TANGO6: variants seen among roughly 807,000 people sequenced by gnomAD.
TANGO6 encodes transport and Golgi organization protein 6 homolog.
In TANGO6, 90 loss-of-function variants were observed where a neutral mutation model predicts 114.2. The ratio of observed to expected loss-of-function variants is 0.79; its 90% CI spans 0.66 to 0.94. TANGO6 has a LOEUF of 0.94. TANGO6 is among the 40% of genes least tolerant of loss of function. The probability of loss-of-function intolerance (pLI) is 0.00; values close to 1 mark genes in which losing one functional copy is unlikely to be tolerated. For synonymous variants in TANGO6, 477 were observed against 509.8 expected, an observed-to-expected ratio of 0.94 and a Z score of 0.87; for missense variants, 1,274 against 1,315.3, an observed-to-expected ratio of 0.97 and a Z score of 0.49.
chr16:68,885,056 TA>T (rs1304643557), intron 7 of TANGO6, among the ~76,000 whole-genome samples: 7 of 152,318 alleles, frequency 4.6e-5, no homozygotes, highest in Admixed American at 3.3e-4. Context: ...AAACACTGGG[TA>T]AAATTTAACA....
At position 69,076,364 on chromosome 16, in the gene TANGO6, T is replaced by A. The variant is rs370035653; in HGVS notation, c.3109-7121T>A. The stretch of plus-strand genomic sequence containing the variant: ...GCCTTGGCCTCCCAAAATGCTAGGA[T>A]TACATGCGTGAGCCACCGTGCCCAG... On this transcript the variant is annotated intron_variant, in intron 17 of 17. Coordinates refer to ENST00000261778, the MANE Select transcript of TANGO6 (RefSeq NM_024562.2). Among the ~76,000 whole-genome samples, 39 of 151,380 alleles carry A rather than the reference T, an allele frequency of 2.6e-4. 3 individuals carry two copies. The highest frequency in any genetic ancestry group is 2.0e-3 in the Admixed American group (30 of 15,196).
At chr16:69,079,414 C>T (rs1960433868) in intron 17 of TANGO6, among the ~76,000 whole-genome samples, 1 of 151,706 alleles carries the variant, frequency 6.6e-6, no homozygotes, top group African/African-American at 2.4e-5. Context: ...GGCCCTATTT[C>T]TTTTAAGCAA....
intron 7 of TANGO6, among the ~76,000 whole-genome samples, chr16:68,884,633 G>A (rs1017478847): frequency 6.6e-6 from 1 of 152,092 alleles, no homozygotes; most frequent in Non-Finnish European, 1.5e-5. Context: ...GTCAGGATAG[G>A]GGTAAGACTA....
intron 14 of TANGO6, among the ~76,000 whole-genome samples, chr16:68,963,783 C>T (rs7201101): frequency 0.14 from 20,616 of 152,126 alleles, 2,198 homozygotes; most frequent in African/African-American, 0.29. Flanking sequence ...TCCTTTTCTG[C>T]GTACATACTG....
At chr16:68,846,274 C>T (rs925961354) in intron 1 of TANGO6, among the ~76,000 whole-genome samples, 5 of 152,088 alleles carry the variant, frequency 3.3e-5, no homozygotes, top group African/African-American at 1.2e-4. Context: ...GATCTGCCTG[C>T]CTTGACCTCC....
chr16:68,941,684 G>C (rs1035769066), intron 14 of TANGO6, among the ~76,000 whole-genome samples: 1 of 151,800 alleles, frequency 6.6e-6, no homozygotes, highest in Admixed American at 6.6e-5. Context: ...AGGTGGAAGC[G>C]TCAGTGAGCC....
Position 68,900,429 on chromosome 16 carries a change from T to C in TANGO6, c.1378-5T>C, listed in dbSNP as rs1352857787. 1.9e-6 allele frequency: 3 copies of C among 1,613,118 alleles called. No homozygotes were observed. In the Admixed American group the frequency reaches 5.0e-5, roughly 27 times the overall value. On this transcript the variant is annotated splice_polypyrimidine_tract_variant and splice_region_variant and intron_variant, in intron 7 of 17. Transcript: ENST00000261778. ...GATTATTCTTCACCATTTCCTTTTT[T>C]CTAGGTGTACGTGGTTGGGAATGAA...
chr16:68,987,054 G>A (rs970227447), intron 15 of TANGO6, among the ~76,000 whole-genome samples: 11 of 152,176 alleles, frequency 7.2e-5, no homozygotes, highest in African/African-American at 2.7e-4. Flanking sequence ...TAATTAAGAT[G>A]AGGGAGAAAG....
At chr16:69,049,397 C>T (rs1567565933) in intron 17 of TANGO6, among the ~76,000 whole-genome samples, 1 of 151,180 alleles carries the variant, frequency 6.6e-6, no homozygotes, top group Non-Finnish European at 1.5e-5. Flanking sequence ...GTGGTTAAGG[C>T]TCATCCATGT....
chr16:69,079,244 C>T (rs983692624), intron 17 of TANGO6, among the ~76,000 whole-genome samples: 7 of 151,884 alleles, frequency 4.6e-5, no homozygotes, highest in South Asian at 4.2e-4. Context: ...GCAAGAGAAT[C>T]GCTTGAACCC....
intron 15 of TANGO6, among the ~76,000 whole-genome samples, chr16:68,996,322 A>C (rs1963988913): frequency 6.6e-6 from 1 of 152,166 alleles, no homozygotes; most frequent in South Asian, 2.1e-4. Context: ...TGTCAATCTA[A>C]TTTCCTTTGG....
chr16:69,040,716 A>G (rs574318386), intron 17 of TANGO6, among the ~76,000 whole-genome samples: 98 of 152,324 alleles, frequency 6.4e-4, no homozygotes, highest in Non-Finnish European at 1.2e-3. Flanking sequence ...TGAGCTAGCT[A>G]GAACACATTC....
At chr16:68,963,413 A>G (rs1207111518) in intron 14 of TANGO6, among the ~76,000 whole-genome samples, 3 of 152,168 alleles carry the variant, frequency 2.0e-5, no homozygotes, top group Non-Finnish European at 2.9e-5. Context: ...CACCATGCCC[A>G]GCCCCTTGCC....
At chr16:69,023,430 T>C (rs755419603) in intron 16 of TANGO6, among the ~76,000 whole-genome samples, 4 of 152,076 alleles carry the variant, frequency 2.6e-5, no homozygotes, top group Non-Finnish European at 5.9e-5. Context: ...CACTCCAGCC[T>C]GGGCAACACA....
intron 17 of TANGO6, among the ~76,000 whole-genome samples, chr16:69,043,281 C>T (rs1007631506): frequency 2.2e-4 from 22 of 101,020 alleles, no homozygotes; most frequent in Non-Finnish European, 1.3e-4. Flanking sequence ...AGAGACAGAG[C>T]GAGTGTGTGT....
At chr16:69,002,770 G>A (rs569508660) in intron 15 of TANGO6, among the ~76,000 whole-genome samples, 10 of 152,144 alleles carry the variant, frequency 6.6e-5, no homozygotes, top group East Asian at 1.9e-4. Flanking sequence ...GGTCAGGTGC[G>A]GTGGCTCACA....
Position 68,862,949 on chromosome 16 carries a change from TA to T in TANGO6, c.742del (p.Thr248LeufsTer12). On this transcript the variant is annotated frameshift_variant, in exon 3 of 18. Coordinates refer to ENST00000261778, the MANE Select transcript of TANGO6 (RefSeq NM_024562.2). LOFTEE classifies it high-confidence loss of function. The stretch of plus-strand genomic sequence containing the variant: ...CCAAGTGCATATTTCTTTTAGGTTC[TA>T]ACTGAAGAGGAGAGAACCCTATCCA... ...RKLLTPAEEV[L>X]TEEERTLSRG... 3 of 1,587,356 alleles carry T rather than the reference TA, an allele frequency of 1.9e-6. No individual in the cohort carries two copies. Among genetic ancestry groups the T allele is most frequent in the Non-Finnish European group, 2.6e-6 (3 of 1,166,372 alleles).
At chr16:68,892,505 G>A (rs547114990) in intron 7 of TANGO6, among the ~76,000 whole-genome samples, 9 of 148,786 alleles carry the variant, frequency 6.0e-5, no homozygotes, top group Admixed American at 2.0e-4. Flanking sequence ...TGGAGGTTCA[G>A]TCTTTCTTTT....
intron 17 of TANGO6, among the ~76,000 whole-genome samples, chr16:69,079,531 A>C (rs371769537): frequency 6.6e-6 from 1 of 152,018 alleles, no homozygotes; most frequent in South Asian, 2.1e-4. Flanking sequence ...AAAAATGCCA[A>C]CTGGGAGAAA....
Sources: gnomAD v4.1 joint callset for allele counts (sites outside exome capture counted in the v4.1 genomes callset) on GRCh38, gnomAD v4.1.1 for gene constraint, MANE v1.5 for transcripts, NCBI Gene and HGNC (gene_info 2026-07-23, HGNC 2026-07-21) for gene names.